SLC24A2: variants seen among roughly 807,000 people sequenced by gnomAD.
SLC24A2 encodes the protein solute carrier family 24 member 2.
In SLC24A2, 36 loss-of-function variants were observed where a neutral mutation model predicts 62.0. That is an observed-to-expected ratio of 0.58 (90% CI 0.44 to 0.77). The LOEUF is 0.77. SLC24A2 is among the 30% of genes least tolerant of loss of function. SLC24A2 has a pLI of 0.00. For missense variants in SLC24A2, 846 were observed against 817.9 expected (o/e 1.03, Z -0.42); for synonymous variants, 358 against 294.0 (o/e 1.22, Z -2.23).
At chr9:19,967,292 T>C in the SLC24A2 span, 2 of 152,146 alleles carry the variant, frequency 1.3e-5, no homozygotes, top group African/African-American at 4.8e-5. Context: ...ACCTCATCCA[T>C]TCCTTCAACT....
At chr9:19,955,651 A>G in the SLC24A2 span, among the ~76,000 whole-genome samples, 20 of 152,314 alleles carry the variant, frequency 1.3e-4, no homozygotes, top group East Asian at 3.7e-3. Flanking sequence ...TTCTTTCCTC[A>G]ATAAGCTATG....
the SLC24A2 span, among the ~76,000 whole-genome samples, chr9:20,178,788 G>T: frequency 6.1e-3 from 936 of 152,254 alleles, 6 homozygotes; most frequent in South Asian, 0.049. Context: ...GCCAGGAGAT[G>T]TGTCAAGTAC....
the SLC24A2 span, among the ~76,000 whole-genome samples, chr9:20,303,890 G>A: frequency 6.6e-6 from 1 of 152,252 alleles, no homozygotes; most frequent in South Asian, 2.1e-4. Flanking sequence ...CAGCTCAGTG[G>A]GTGCTGTGCA....
chr9:20,114,470 T>A, the SLC24A2 span, among the ~76,000 whole-genome samples: 1 of 152,078 alleles, frequency 6.6e-6, no homozygotes, highest in Non-Finnish European at 1.5e-5. Flanking sequence ...TCCAAGGAAC[T>A]TCATGACATT....
chr9:19,774,945 G>T (rs1822801527), intron 2 of SLC24A2, among the ~76,000 whole-genome samples: 1 of 152,220 alleles, frequency 6.6e-6, no homozygotes, highest in South Asian at 2.1e-4. Flanking sequence ...GAAACACAGA[G>T]TTATCAGAGC....
the SLC24A2 span, among the ~76,000 whole-genome samples, chr9:19,906,828 T>C: frequency 6.6e-6 from 1 of 152,276 alleles, no homozygotes; most frequent in South Asian, 2.1e-4. Context: ...ATTGAGGCAA[T>C]AATTAATAGC....
At chr9:20,238,222 C>G in the SLC24A2 span, among the ~76,000 whole-genome samples, 1 of 152,284 alleles carries the variant, frequency 6.6e-6, no homozygotes, top group South Asian at 2.1e-4. Flanking sequence ...ACCCTCACAT[C>G]CACTCTAAGA....
the SLC24A2 span, among the ~76,000 whole-genome samples, chr9:20,225,576 T>TATATATTATATA: frequency 1.6e-5 from 2 of 126,440 alleles, no homozygotes; most frequent in African/African-American, 7.3e-5. Context: ...ATATATATAA[T>TATATATTATATA]TTCATTTAAA....
chr9:19,764,439 A>G (rs774491345), intron 2 of SLC24A2, among the ~76,000 whole-genome samples: 27 of 152,184 alleles, frequency 1.8e-4, no homozygotes, highest in Non-Finnish European at 3.4e-4. Flanking sequence ...GTGGGCATTT[A>G]GTGCTGTGAA....
the SLC24A2 span, among the ~76,000 whole-genome samples, chr9:19,822,592 T>G: frequency 6.6e-6 from 1 of 152,154 alleles, no homozygotes; most frequent in South Asian, 2.1e-4. Flanking sequence ...ATTGGTGTTC[T>G]GTTGCACCAA....
intron 2 of SLC24A2, among the ~76,000 whole-genome samples, chr9:19,766,383 G>A (rs1417008113): frequency 6.6e-6 from 1 of 152,188 alleles, no homozygotes; most frequent in Admixed American, 6.5e-5. Context: ...AGGCATTCTG[G>A]TTTTTGGAAT....
At chr9:20,292,784 C>T in the SLC24A2 span, among the ~76,000 whole-genome samples, 1 of 152,080 alleles carries the variant, frequency 6.6e-6, no homozygotes, top group East Asian at 1.9e-4. Context: ...GAGATGGGGT[C>T]TCCCCACCTT....
At chr9:19,740,727 A>C (rs1821648988) in intron 2 of SLC24A2, among the ~76,000 whole-genome samples, 1 of 152,132 alleles carries the variant, frequency 6.6e-6, no homozygotes, top group South Asian at 2.1e-4. Context: ...AGCTGGGAGG[A>C]TAGGGAGGAG....
At chr9:19,665,962 G>A (rs1819241055) in intron 2 of SLC24A2, among the ~76,000 whole-genome samples, 1 of 152,028 alleles carries the variant, frequency 6.6e-6, no homozygotes, top group African/African-American at 2.4e-5. Context: ...CCCGGCCCGT[G>A]TTCTCATTCA....
the SLC24A2 span, among the ~76,000 whole-genome samples, chr9:20,141,811 C>A: frequency 6.6e-6 from 1 of 152,152 alleles, no homozygotes; most frequent in Admixed American, 6.6e-5. Flanking sequence ...AGGCGGGCCA[C>A]GGTGGCTCAC....
chr9:19,533,708 C>T (rs1006754264), intron 8 of SLC24A2, among the ~76,000 whole-genome samples: 1 of 152,212 alleles, frequency 6.6e-6, no homozygotes, highest in Non-Finnish European at 1.5e-5. Context: ...AACTGTCCAG[C>T]TGAGCACAAC....
chr9:20,026,124 C>G, the SLC24A2 span, among the ~76,000 whole-genome samples: 2 of 152,068 alleles, frequency 1.3e-5, no homozygotes. Flanking sequence ...TCTTTAAGAT[C>G]TATTCTATCA....
the SLC24A2 span, among the ~76,000 whole-genome samples, chr9:19,969,509 C>T: frequency 6.6e-6 from 1 of 152,168 alleles, no homozygotes; most frequent in Non-Finnish European, 1.5e-5. Context: ...CTTCTGGTGT[C>T]TCTTCACTCC....
chr9:19,653,541 T>C (rs1457434947), intron 2 of SLC24A2, among the ~76,000 whole-genome samples: 3 of 152,194 alleles, frequency 2.0e-5, no homozygotes, highest in African/African-American at 4.8e-5. Flanking sequence ...TTCCAATAGC[T>C]TTCTTTCCAG....
Sources: gnomAD v4.1 joint callset for allele counts (sites outside exome capture counted in the v4.1 genomes callset) on GRCh38, gnomAD v4.1.1 for gene constraint, MANE v1.5 for transcripts, NCBI Gene and HGNC (gene_info 2026-07-23, HGNC 2026-07-21) for gene names.